SINHCAF: variants seen among roughly 807,000 people sequenced by gnomAD.
SINHCAF encodes SIN3-HDAC complex associated factor, also known as SIN3-HDAC complex-associated factor.
SINHCAF carries 3 observed loss-of-function variants against 25.8 expected under a neutral mutation model. That is an observed-to-expected ratio of 0.12 (90% CI 0.05 to 0.30). The LOEUF (loss-of-function observed/expected upper bound fraction) is 0.30, where lower values mean the gene tolerates loss of function less well. Ranked by LOEUF, SINHCAF falls within the 10% of genes least tolerant of loss-of-function variation. The pLI, the probability that SINHCAF is intolerant of heterozygous loss-of-function variation, is 1.00. For missense variants in SINHCAF, 121 were observed against 262.3 expected (o/e 0.46, Z 3.72); for synonymous variants, 70 against 85.5 (o/e 0.82, Z 1.00).
chr12:31,310,915 G>A (rs535167517), intron 1 of SINHCAF, among the ~76,000 whole-genome samples: 1 of 150,532 alleles, frequency 6.6e-6, no homozygotes, highest in South Asian at 2.1e-4. Context: ...CTGTCGCCAG[G>A]CTGGAGTGCA....
intron 5 of SINHCAF, among the ~76,000 whole-genome samples, chr12:31,286,141 G>A (rs1938055054): frequency 6.6e-6 from 1 of 152,146 alleles, no homozygotes; most frequent in Non-Finnish European, 1.5e-5. Flanking sequence ...AATGGTGATA[G>A]TCAACACTCT....
rs1937763559 is a variant in SINHCAF at position 31,280,914 on chromosome 12, C to T, written c.*1798G>A. On this transcript the variant is annotated 3_prime_UTR_variant, in exon 6 of 6. Transcript: ENST00000337682. ...TGATAATGGCTGGACTTTTGTAATTCACCTCAAAGACTGTGGGAGAGCCAA... is the reference window on the plus strand; with the variant it reads ...TGATAATGGCTGGACTTTTGTAATTTACCTCAAAGACTGTGGGAGAGCCAA... 2.0e-5 allele frequency: 3 copies of T among 152,196 alleles called. No homozygotes were observed. The highest frequency in any genetic ancestry group is 7.2e-5 in the African/African-American group (3 of 41,446). 9.4% of individuals were successfully genotyped at this position (152,196 alleles called of 1,614,324 possible). A position where few individuals can be genotyped will look rare whatever the true frequency, so the allele number is the denominator to read the frequency against.
intron 1 of SINHCAF, among the ~76,000 whole-genome samples, chr12:31,322,228 TCATCTAATTAGTAAAA>T (rs1173007880): frequency 6.6e-6 from 1 of 152,210 alleles, no homozygotes; most frequent in Non-Finnish European, 1.5e-5. Context: ...CTGTTTTACA[TCATCTAATTAGTAAAA>T]CAAAAACCAT....
chr12:31,302,975 TTTCTC>T, intron 1 of SINHCAF: 5 of 985,444 alleles, frequency 5.1e-6, no homozygotes, highest in Non-Finnish European at 4.8e-6. Context: ...TTGGCTCACT[TTTCTC>T]TTTTCTTCTG....
At position 31,295,110 on chromosome 12, in the gene SINHCAF, G is replaced by A. The variant is rs1592964523; in HGVS notation, c.228+124C>T. The A allele has an allele frequency of 4.7e-6, 3 of 637,544 alleles. No individual in the cohort carries two copies. The South Asian group carries it at 6.3e-5, about 13-fold the overall frequency. The allele number at this position is 637,544 out of a possible 1,614,324, so 39.5% of individuals were successfully genotyped here. ...CCATTATATCTGAACAGCAGCTAGT[G>A]TTTTTCTTTATTCTTTTCAGACTTT... On this transcript the variant is annotated intron_variant, in intron 3 of 5. Transcript: ENST00000337682.
intron 1 of SINHCAF, among the ~76,000 whole-genome samples, chr12:31,322,157 T>C (rs1279738203): frequency 6.6e-6 from 1 of 152,206 alleles, no homozygotes; most frequent in East Asian, 1.9e-4. Context: ...GAGAAGGCAG[T>C]AGAGACCTTG....
chr12:31,293,883 T>G lies in SINHCAF; in HGVS notation c.277A>C (p.Lys93Gln), dbSNP rs1938439804. The change falls in exon 4 of 6, where the codon AAG (lysine) becomes CAG (glutamine). Residue 93 changes from lysine to glutamine, a missense_variant. Coordinates refer to ENST00000337682, the MANE Select transcript of SINHCAF (RefSeq NM_001135812.2). ...GPSLKTTLKP[K>Q]KVKTLSGNRI... ...TTCCCAGATAGAGTTTTCACTTTCT[T>G]TGGTTTCAATGTAGTCTTTAGACTG... 2 of 1,613,358 alleles carry G rather than the reference T, an allele frequency of 1.2e-6. No homozygotes were observed. Among genetic ancestry groups the G allele is most frequent in the African/African-American group, 2.7e-5 (2 of 74,904 alleles).
chr12:31,298,278 A>C (rs746981524), intron 1 of SINHCAF, 54 bp from the exon 2 acceptor site: 1 of 1,599,788 alleles, frequency 6.3e-7, no homozygotes, highest in East Asian at 2.2e-5. Context: ...ACAAGGAACC[A>C]TTAAAGAGTT....
At chr12:31,323,446 C>T (rs1439289258) in intron 1 of SINHCAF, among the ~76,000 whole-genome samples, 1 of 152,090 alleles carries the variant, frequency 6.6e-6, no homozygotes, top group African/African-American at 2.4e-5. Flanking sequence ...CTTTTCTTAA[C>T]CCTCCTTAGG....
At position 31,324,591 on chromosome 12, in the gene SINHCAF, C is replaced by T. The variant is rs1939872253; in HGVS notation, c.-21+1433G>A. On this transcript the variant is annotated intron_variant, in intron 1 of 5. Transcript: ENST00000337682. The surrounding 1 kb of genome is among the most constrained non-coding windows in gnomAD (Gnocchi z 5.5). ...CCGAACTTCGAGGGCCTCCGACCTG[C>T]ACGGCCCTACGCCCAGGCGGCGGCC... 1.4e-5 allele frequency: 3 copies of T among 217,280 alleles called. No homozygotes were observed. The highest frequency in any genetic ancestry group is 5.4e-5 in the Admixed American group (1 of 18,492). 13.5% of individuals were successfully genotyped at this position (217,280 alleles called of 1,614,324 possible).
chr12:31,320,369 C>G (rs1466169751), intron 1 of SINHCAF, among the ~76,000 whole-genome samples: 4 of 152,344 alleles, frequency 2.6e-5, no homozygotes, highest in African/African-American at 9.6e-5. Flanking sequence ...GGGAAATTCT[C>G]TTAAGAATTA....
intron 1 of SINHCAF, among the ~76,000 whole-genome samples, chr12:31,307,162 A>C (rs1441120834): frequency 6.6e-6 from 1 of 152,172 alleles, no homozygotes; most frequent in African/African-American, 2.4e-5. Context: ...TGCTAAATTC[A>C]TATTTCAGTA....
chr12:31,299,372 G>A (rs1258335362), intron 1 of SINHCAF, among the ~76,000 whole-genome samples: 15 of 151,532 alleles, frequency 9.9e-5, no homozygotes, highest in African/African-American at 2.4e-4. Flanking sequence ...GCTGGAGTGC[G>A]GTGGCGCGAT....
At chr12:31,313,156 C>T (rs1214310999) in intron 1 of SINHCAF, among the ~76,000 whole-genome samples, 1 of 152,132 alleles carries the variant, frequency 6.6e-6, no homozygotes. Flanking sequence ...TCCCAAGTAG[C>T]TGAGATTACA....
intron 4 of SINHCAF, among the ~76,000 whole-genome samples, chr12:31,289,859 CTG>C (rs1938233522): frequency 6.6e-6 from 1 of 150,978 alleles, no homozygotes; most frequent in Non-Finnish European, 1.5e-5. Flanking sequence ...GGATCTCACT[CTG>C]TCACCCAGGC....
intron 4 of SINHCAF, among the ~76,000 whole-genome samples, chr12:31,289,016 A>C (rs1048293031): frequency 6.6e-6 from 1 of 152,184 alleles, no homozygotes; most frequent in Non-Finnish European, 1.5e-5. Flanking sequence ...TGAAAAAAAT[A>C]CAATAAAGAA....
intron 5 of SINHCAF, among the ~76,000 whole-genome samples, chr12:31,285,739 G>A (rs911753430): frequency 8.5e-5 from 13 of 152,082 alleles, no homozygotes; most frequent in Admixed American, 2.0e-4. Context: ...ACTTTGGGAG[G>A]TCAAGGCAGG....
In SINHCAF at chr12:31,281,408, A is replaced by G. The variant is rs1370934478; in HGVS notation, c.*1304T>C. On this transcript the variant is annotated 3_prime_UTR_variant, in exon 6 of 6. Coordinates refer to ENST00000337682, the MANE Select transcript of SINHCAF (RefSeq NM_001135812.2). ...TTTTAATACAGAGTGAAAGAAAATAAAAATTTAATAGGCTAAAACAAGTCA... is the reference window on the plus strand; with the variant it reads ...TTTTAATACAGAGTGAAAGAAAATAGAAATTTAATAGGCTAAAACAAGTCA... 2 of 152,270 alleles carry G rather than the reference A, an allele frequency of 1.3e-5. No individual in the cohort carries two copies. Among genetic ancestry groups the G allele is most frequent in the Non-Finnish European group, 2.9e-5 (2 of 68,044 alleles). 9.4% of individuals were successfully genotyped at this position (152,270 alleles called of 1,614,324 possible). A position where few individuals can be genotyped will look rare whatever the true frequency, so the allele number is the denominator to read the frequency against.
chr12:31,295,953 G>A (rs2137088669), intron 2 of SINHCAF, among the ~76,000 whole-genome samples: 1 of 151,866 alleles, frequency 6.6e-6, no homozygotes, highest in East Asian at 1.9e-4. Flanking sequence ...GACCAAGGTG[G>A]GAAGATCACT....
Sources: gnomAD v4.1 joint callset for allele counts (sites outside exome capture counted in the v4.1 genomes callset) on GRCh38, gnomAD v4.1.1 for gene constraint, Gnocchi (gnomAD v3.1) non-coding constraint, MANE v1.5 for transcripts, NCBI Gene and HGNC (gene_info 2026-07-23, HGNC 2026-07-21) for gene names.